Variants in BTRC observed in about 807,000 individuals in gnomAD.
BTRC encodes the protein F-box/WD repeat-containing protein 1A.
A neutral mutation model predicts 85.5 loss-of-function variants in BTRC; 42 were observed. The observed-to-expected ratio is 0.49, with a 90% CI of 0.38 to 0.64. The LOEUF is 0.64. Ranked by LOEUF, BTRC falls within the 30% of genes least tolerant of loss-of-function variation. The probability of loss-of-function intolerance (pLI) is 0.00; values close to 1 mark genes in which losing one functional copy is unlikely to be tolerated. For missense variants in BTRC, 594 were observed against 743.5 expected, an observed-to-expected ratio of 0.80 and a Z score of 2.34; for synonymous variants, 255 against 263.3, an observed-to-expected ratio of 0.97 and a Z score of 0.30.
In BTRC at chr10:101,437,082, A is replaced by G. The variant is rs1341138220; in HGVS notation, c.156+6630A>G. On this transcript the variant is annotated intron_variant, in intron 2 of 14. Transcript: ENST00000370187. ...GTAGCTGATACCCTCTCTATTGTATATGAATAATTTCTGTGTAGCACAATT... is the reference window on the plus strand; with the variant it reads ...GTAGCTGATACCCTCTCTATTGTATGTGAATAATTTCTGTGTAGCACAATT... Among the ~76,000 whole-genome samples the G allele has an allele frequency of 2.6e-5, 4 of 152,232 alleles. No individual in the cohort carries two copies. In the South Asian group the frequency reaches 8.3e-4, roughly 32 times the overall value.
intron 4 of BTRC, among the ~76,000 whole-genome samples, 163 bp from the exon 5 acceptor site, chr10:101,521,476 A>G (rs1379519276): frequency 6.6e-6 from 1 of 152,200 alleles, no homozygotes; most frequent in East Asian, 1.9e-4. Flanking sequence ...TGATTTACCA[A>G]CTTTCTATGG....
intron 4 of BTRC, among the ~76,000 whole-genome samples, chr10:101,505,143 A>ATGTG (rs1564812193): frequency 5.2e-4 from 25 of 48,308 alleles, no homozygotes; most frequent in South Asian, 1.9e-3. Flanking sequence ...ATATATGTAT[A>ATGTG]TATATATGTA....
intron 3 of BTRC, among the ~76,000 whole-genome samples, chr10:101,462,957 T>C (rs1426512147): frequency 6.6e-6 from 1 of 151,752 alleles, no homozygotes; most frequent in Non-Finnish European, 1.5e-5. Context: ...AACCTCTGCC[T>C]TCTGGGTTCA....
intron 1 of BTRC, among the ~76,000 whole-genome samples, chr10:101,369,720 T>C (rs997708096): frequency 6.6e-6 from 1 of 152,244 alleles, no homozygotes. Context: ...GTTGTTATTT[T>C]ATCTTACATA....
At chr10:101,509,659 C>T (rs1946646210) in intron 4 of BTRC, among the ~76,000 whole-genome samples, 1 of 150,144 alleles carries the variant, frequency 6.7e-6, no homozygotes, top group African/African-American at 2.5e-5. Context: ...CTCAAGTAAT[C>T]CTCCCACCTC....
intron 1 of BTRC, among the ~76,000 whole-genome samples, chr10:101,369,024 A>G (rs1201600116): frequency 6.6e-6 from 1 of 152,100 alleles, no homozygotes; most frequent in African/African-American, 2.4e-5. Flanking sequence ...ATCTTAAATA[A>G]TAATAATAAT....
At chr10:101,450,697 A>G (rs1384870009) in intron 2 of BTRC, among the ~76,000 whole-genome samples, 1 of 152,120 alleles carries the variant, frequency 6.6e-6, no homozygotes, top group Non-Finnish European at 1.5e-5. Flanking sequence ...TGCTGCCCCA[A>G]AATCTTCGTG....
In BTRC at chr10:101,367,046, AT is replaced by A. The variant is rs1942479143; in HGVS notation, c.48+12819del. Among the ~76,000 whole-genome samples, 2 of 39,716 alleles carry A rather than the reference AT, an allele frequency of 5.0e-5. 1 individual carries two copies. Among genetic ancestry groups the A allele is most frequent in the African/African-American group, 1.2e-4 (2 of 16,154 alleles). 26.1% of individuals were successfully genotyped at this position (39,716 alleles called of 152,430 possible). A position where few individuals can be genotyped will look rare whatever the true frequency, so the allele number is the denominator to read the frequency against. ...TATTTATATATTTATATATATAAAT[AT>A]ATATATATATAAATATAAATATATA... is the stretch of plus-strand genomic sequence containing the variant. On this transcript the variant is annotated intron_variant, in intron 1 of 14. Transcript: ENST00000370187.
chr10:101,486,570 G>A (rs142428571), intron 4 of BTRC, among the ~76,000 whole-genome samples: 1 of 152,150 alleles, frequency 6.6e-6, no homozygotes, highest in South Asian at 2.1e-4. Context: ...ATACTAAAGA[G>A]GGGAGGTGGG....
chr10:101,512,231 C>T (rs1258507177), intron 4 of BTRC, among the ~76,000 whole-genome samples: 4 of 152,222 alleles, frequency 2.6e-5, no homozygotes, highest in African/African-American at 9.6e-5. Flanking sequence ...CTGCAAAACC[C>T]TTGCCTATTT....
At chr10:101,475,656 A>G (rs943822958) in intron 3 of BTRC, among the ~76,000 whole-genome samples, 3 of 152,002 alleles carry the variant, frequency 2.0e-5, no homozygotes, top group Non-Finnish European at 4.4e-5. Flanking sequence ...CCAAAGAATG[A>G]TAGTTGACCA....
At chr10:101,401,144 A>G (rs1010733637) in intron 1 of BTRC, among the ~76,000 whole-genome samples, 25 of 152,380 alleles carry the variant, frequency 1.6e-4, no homozygotes, top group South Asian at 4.1e-4. Flanking sequence ...TGAATTTAAT[A>G]CAATGAAGTT....
intron 2 of BTRC, among the ~76,000 whole-genome samples, chr10:101,437,406 T>G (rs1488388182): frequency 6.6e-6 from 1 of 152,230 alleles, no homozygotes; most frequent in Non-Finnish European, 1.5e-5. Flanking sequence ...TCCATCCATG[T>G]GTGCCTGTGC....
chr10:101,421,122 C>T (rs1944088957), intron 1 of BTRC, among the ~76,000 whole-genome samples: 1 of 151,752 alleles, frequency 6.6e-6, no homozygotes. Context: ...TCTAGTCATT[C>T]AAGTTTGAAA....
chr10:101,422,696 G>A (rs933504797), intron 1 of BTRC, among the ~76,000 whole-genome samples: 1 of 152,210 alleles, frequency 6.6e-6, no homozygotes, highest in Non-Finnish European at 1.5e-5. Context: ...TGGCTAGCCA[G>A]TTTTCCCAGC....
At chr10:101,394,388 A>G (rs1170003862) in intron 1 of BTRC, among the ~76,000 whole-genome samples, 1 of 152,222 alleles carries the variant, frequency 6.6e-6, no homozygotes, top group African/African-American at 2.4e-5. Context: ...AATCATTGAA[A>G]AAGTATTCTT....
chr10:101,374,191 T>G (rs1942722085), intron 1 of BTRC, among the ~76,000 whole-genome samples: 1 of 152,038 alleles, frequency 6.6e-6, no homozygotes. Flanking sequence ...AGTGTAAAAG[T>G]GTTCCTATTT....
chr10:101,529,969 G>T (rs2062255614), intron 6 of BTRC, among the ~76,000 whole-genome samples: 2 of 152,162 alleles, frequency 1.3e-5, no homozygotes, highest in South Asian at 4.1e-4. Flanking sequence ...CCCATAGTGG[G>T]GTTTACTAGC....
At chr10:101,550,918 A>T in intron 14 of BTRC, 27 bp downstream of exon 14, 1 of 1,542,542 alleles carries the variant, frequency 6.5e-7, no homozygotes. Context: ...TGTACATAAC[A>T]CTGTGGGTAG....
Sources: gnomAD v4.1 joint callset for allele counts (sites outside exome capture counted in the v4.1 genomes callset) on GRCh38, gnomAD v4.1.1 for gene constraint, MANE v1.5 for transcripts, NCBI Gene and HGNC (gene_info 2026-07-23, HGNC 2026-07-21) for gene names.